The following PLPPR5 variants were observed in gnomAD, a reference collection of about 807,000 sequenced individuals.
PLPPR5 encodes the protein phospholipid phosphatase related 5.
PLPPR5 carries 16 observed loss-of-function variants against 33.9 expected under a neutral mutation model. The observed-to-expected ratio is 0.47, with a 90% CI of 0.32 to 0.72. The LOEUF (loss-of-function observed/expected upper bound fraction) is 0.72. PLPPR5 is among the 30% of genes least tolerant of loss of function. The pLI, the probability that PLPPR5 is intolerant of heterozygous loss-of-function variation, is 0.03. For missense variants in PLPPR5, 301 were observed against 406.7 expected, an observed-to-expected ratio of 0.74 and a Z score of 2.23; for synonymous variants, 163 against 150.3, an observed-to-expected ratio of 1.08 and a Z score of -0.62.
At chr1:98,933,193 T>TTA (rs995411114) in intron 3 of PLPPR5, among the ~76,000 whole-genome samples, 3 of 143,884 alleles carry the variant, frequency 2.1e-5, no homozygotes, top group East Asian at 4.1e-4. Context: ...GAGGGCTTTT[T>TTA]AAAAAAAAAA....
At chr1:98,939,818 T>C (rs1650308419) in intron 3 of PLPPR5, among the ~76,000 whole-genome samples, 1 of 151,964 alleles carries the variant, frequency 6.6e-6, no homozygotes, top group African/African-American at 2.4e-5. Context: ...GCTTAGGTTC[T>C]ATCAGTTCCT....
chr1:98,981,970 T>G (rs1313269285), intron 1 of PLPPR5, among the ~76,000 whole-genome samples: 1 of 152,102 alleles, frequency 6.6e-6, no homozygotes, highest in Non-Finnish European at 1.5e-5. Context: ...TTAATGTCAA[T>G]CTCTAAAGTA....
At chr1:98,996,576 A>G in intron 1 of PLPPR5, among the ~76,000 whole-genome samples, 1 of 152,108 alleles carries the variant, frequency 6.6e-6, no homozygotes, top group East Asian at 1.9e-4. Context: ...TATCTTTCAT[A>G]ATAATGATAC....
chr1:98,914,709 A>G, intron 5 of PLPPR5, 77 bp downstream of exon 5: 1 of 1,298,244 alleles, frequency 7.7e-7, no homozygotes, highest in Non-Finnish European at 1.1e-6. Context: ...CTGTGTGGAC[A>G]TGCTCCAGAT....
intron 1 of PLPPR5, among the ~76,000 whole-genome samples, chr1:98,985,004 A>G (rs1482282026): frequency 6.6e-6 from 1 of 152,074 alleles, no homozygotes; most frequent in Non-Finnish European, 1.5e-5. Context: ...ATCTATAAGA[A>G]AAACCACTCA....
At chr1:98,915,993 G>T (rs1191774946) in intron 4 of PLPPR5, among the ~76,000 whole-genome samples, 2 of 152,082 alleles carry the variant, frequency 1.3e-5, no homozygotes, top group Non-Finnish European at 2.9e-5. Context: ...GGCCTCATTT[G>T]CAGCTATAAC....
intron 5 of PLPPR5, among the ~76,000 whole-genome samples, chr1:98,895,067 G>A (rs1648418968): frequency 1.3e-5 from 2 of 151,964 alleles, no homozygotes; most frequent in Admixed American, 1.3e-4. Flanking sequence ...GTAATATAAA[G>A]TCACCCTATA....
intron 4 of PLPPR5, among the ~76,000 whole-genome samples, chr1:98,918,047 A>G (rs950935183): frequency 1.3e-5 from 2 of 152,230 alleles, no homozygotes; most frequent in African/African-American, 4.8e-5. Context: ...TACCAAGATG[A>G]TATGAGTAAA....
chr1:98,994,550 G>A (rs751382873), intron 1 of PLPPR5, among the ~76,000 whole-genome samples: 29 of 152,044 alleles, frequency 1.9e-4, no homozygotes, highest in Non-Finnish European at 4.0e-4. Flanking sequence ...AGAAGACCTC[G>A]TTCCTAAGTT....
chr1:98,943,852 T>G (rs959520596), intron 3 of PLPPR5, among the ~76,000 whole-genome samples: 1 of 152,144 alleles, frequency 6.6e-6, no homozygotes, highest in Admixed American at 6.5e-5. Flanking sequence ...ATATTGGCCA[T>G]TGATTTGTTT....
intron 1 of PLPPR5, among the ~76,000 whole-genome samples, chr1:98,999,034 C>T (rs1468137840): frequency 6.6e-6 from 1 of 152,168 alleles, no homozygotes; most frequent in African/African-American, 2.4e-5. Flanking sequence ...TAATTTCATT[C>T]TAAGAACTGA....
At chr1:98,994,825 G>A (rs1383107369) in intron 1 of PLPPR5, among the ~76,000 whole-genome samples, 1 of 152,022 alleles carries the variant, frequency 6.6e-6, no homozygotes, top group East Asian at 1.9e-4. Flanking sequence ...TTCGCATGAT[G>A]AATGCTAAAG....
chr1:98,963,557 C>T (rs1364655103), intron 1 of PLPPR5, among the ~76,000 whole-genome samples: 2 of 152,182 alleles, frequency 1.3e-5, no homozygotes, highest in Non-Finnish European at 2.9e-5. Context: ...ATGCCTGAGT[C>T]ACATGGTAAC....
intron 5 of PLPPR5, among the ~76,000 whole-genome samples, chr1:98,895,673 T>C (rs1486257161): frequency 1.3e-5 from 2 of 151,998 alleles, no homozygotes; most frequent in Non-Finnish European, 2.9e-5. Flanking sequence ...ATCCTAGGAT[T>C]CTAGGGAAAA....
At chr1:98,994,358 T>C (rs1652562407) in intron 1 of PLPPR5, among the ~76,000 whole-genome samples, 6 of 152,096 alleles carry the variant, frequency 3.9e-5, no homozygotes, top group Admixed American at 2.0e-4. Flanking sequence ...GTTTTAGATA[T>C]TTCCATGCCA....
chr1:98,974,098 C>T (rs1651761238), intron 1 of PLPPR5, among the ~76,000 whole-genome samples: 1 of 151,916 alleles, frequency 6.6e-6, no homozygotes, highest in Admixed American at 6.6e-5. Context: ...AAGGAAGGCT[C>T]CAAAGTCCAT....
chr1:98,982,785 CTGACCCT>C (rs1170982515), intron 1 of PLPPR5, among the ~76,000 whole-genome samples: 1 of 152,082 alleles, frequency 6.6e-6, no homozygotes, highest in East Asian at 1.9e-4. Flanking sequence ...AGAGGCACTG[CTGACCCT>C]TTTGAGGTCC....
At chr1:98,904,559 T>A (rs1648827164) in intron 5 of PLPPR5, among the ~76,000 whole-genome samples, 1 of 152,194 alleles carries the variant, frequency 6.6e-6, no homozygotes, top group African/African-American at 2.4e-5. Context: ...CCTTTTTCTC[T>A]ATATTTTCTA....
At chr1:98,978,423 T>C (rs561776676) in intron 1 of PLPPR5, among the ~76,000 whole-genome samples, 2 of 152,214 alleles carry the variant, frequency 1.3e-5, no homozygotes, top group South Asian at 4.1e-4. Flanking sequence ...ATGTAAATTA[T>C]TGCTCTCTTC....
Sources: allele counts gnomAD v4.1 joint callset (sites outside exome capture counted in the v4.1 genomes callset), GRCh38; gene constraint gnomAD v4.1.1; transcripts MANE v1.5; gene names NCBI Gene and HGNC (gene_info 2026-07-23, HGNC 2026-07-21).